The following ZFPM2 variants were observed in gnomAD, a reference collection of about 807,000 sequenced individuals.
ZFPM2 encodes zinc finger protein, FOG family member 2.
Under a neutral mutation model 98.6 loss-of-function variants are expected in ZFPM2, and 20 were observed. The ratio of observed to expected loss-of-function variants is 0.20; its 90% confidence interval spans 0.14 to 0.29. The LOEUF is 0.29. ZFPM2 is among the 10% of genes least tolerant of loss of function. The pLI, the probability that ZFPM2 is intolerant of heterozygous loss-of-function variation, is 1.00. For synonymous variants in ZFPM2, 518 were observed against 502.7 expected (o/e 1.03, Z -0.41); for missense variants, 1,310 against 1,388.6 (o/e 0.94, Z 0.90).
In ZFPM2 at chr8:105,555,582, C is replaced by A; in HGVS notation, c.302-5781C>A. Among the ~76,000 whole-genome samples the A allele has an allele frequency of 1.3e-5, 2 of 151,802 alleles. 1 individual carries two copies. Among genetic ancestry groups the A allele is most frequent in the Non-Finnish European group, 2.9e-5 (2 of 68,000 alleles). On this transcript the variant is annotated intron_variant, in intron 3 of 7. Coordinates refer to ENST00000407775, the MANE Select transcript of ZFPM2 (RefSeq NM_012082.4). Reference sequence around the variant, plus strand: ...CATGTGTCACAAACTCTATTAATTACCAGGGAATAAACAGAATTATTAAAG... The same window carrying A: ...CATGTGTCACAAACTCTATTAATTAACAGGGAATAAACAGAATTATTAAAG...
At chr8:105,671,909 A>C (rs1382867544) in intron 5 of ZFPM2, among the ~76,000 whole-genome samples, 1 of 151,952 alleles carries the variant, frequency 6.6e-6, no homozygotes, top group African/African-American at 2.4e-5. Context: ...AAAGCAATCA[A>C]CTCTTAATTA....
intron 4 of ZFPM2, among the ~76,000 whole-genome samples, chr8:105,587,104 G>A (rs979998870): frequency 1.5e-4 from 22 of 151,066 alleles, no homozygotes; most frequent in Non-Finnish European, 2.8e-4. Context: ...GTGAAACCCC[G>A]TCTCTACTAA....
intron 5 of ZFPM2, among the ~76,000 whole-genome samples, chr8:105,732,840 G>C (rs529384800): frequency 1.3e-5 from 2 of 151,830 alleles, no homozygotes; most frequent in East Asian, 3.9e-4. Context: ...TCCTAGGAGA[G>C]GGAAATTAAC....
intron 5 of ZFPM2, among the ~76,000 whole-genome samples, chr8:105,710,551 A>G (rs1563531500): frequency 6.6e-6 from 1 of 152,180 alleles, no homozygotes; most frequent in Non-Finnish European, 1.5e-5. Flanking sequence ...GAGATATGCA[A>G]TGAGAAAGAA....
At chr8:105,739,710 A>AGTTTTTT (rs905526528) in intron 5 of ZFPM2, among the ~76,000 whole-genome samples, 1 of 151,540 alleles carries the variant, frequency 6.6e-6, no homozygotes, top group African/African-American at 2.4e-5. Flanking sequence ...TCGCAGCTAT[A>AGTTTTTT]GTTTTTTGTT....
At chr8:105,550,464 G>T (rs1370777178) in intron 3 of ZFPM2, among the ~76,000 whole-genome samples, 1 of 152,092 alleles carries the variant, frequency 6.6e-6, no homozygotes, top group East Asian at 1.9e-4. Context: ...ACTTAAATCA[G>T]TCATTTTAGC....
chr8:105,802,603 G>C lies in ZFPM2; in HGVS notation c.2521G>C (p.Glu841Gln). The C allele has an allele frequency of 6.2e-7, 1 of 1,610,508 alleles. No individual in the cohort carries two copies. The highest frequency in any genetic ancestry group is 8.5e-7 in the Non-Finnish European group (1 of 1,178,300). The change falls in exon 8 of 8, where the codon GAG (glutamate) becomes CAG (glutamine). Residue 841 changes from glutamate (E) to glutamine (Q), a missense_variant. Physicochemically the swap from Glu to Gln is conservative, Grantham distance 29. Coordinates refer to ENST00000407775, the MANE Select transcript of ZFPM2 (RefSeq NM_012082.4). ...DLSKKCLSQS[E>Q]RTTTSPKRLL... ...CAGCAAAAAGTGTTTATCTCAGTCT[G>C]AGCGGACGACCACGTCTCCCAAAAG...
intron 3 of ZFPM2, among the ~76,000 whole-genome samples, chr8:105,534,012 C>CT (rs1563704258): frequency 3.2e-5 from 1 of 31,234 alleles, no homozygotes; most frequent in Non-Finnish European, 5.5e-5. Flanking sequence ...TCCTTCCTTC[C>CT]TCCCTTCTTC....
chr8:105,391,588 A>C (rs1169478751), intron 1 of ZFPM2, among the ~76,000 whole-genome samples: 1 of 152,238 alleles, frequency 6.6e-6, no homozygotes, highest in South Asian at 2.1e-4. Flanking sequence ...AATAATGTCT[A>C]TAAAATATTC....
chr8:105,774,676 T>TA (rs1183476880), intron 5 of ZFPM2, among the ~76,000 whole-genome samples: 2 of 152,160 alleles, frequency 1.3e-5, no homozygotes, highest in Non-Finnish European at 2.9e-5. Flanking sequence ...TAAAACTTAG[T>TA]AAACCTTTAT....
At chr8:105,738,531 A>T (rs1454894986) in intron 5 of ZFPM2, among the ~76,000 whole-genome samples, 8 of 152,094 alleles carry the variant, frequency 5.3e-5, no homozygotes, top group Non-Finnish European at 7.4e-5. Context: ...TTTTGGGTAT[A>T]TACCCAGTAA....
intron 5 of ZFPM2, among the ~76,000 whole-genome samples, chr8:105,730,776 C>CTTTTTTTT (rs201573898): frequency 1.7e-4 from 21 of 124,360 alleles, no homozygotes; most frequent in Admixed American, 5.5e-4. Flanking sequence ...TTTCTTTTTT[C>CTTTTTTTT]TTTTTTTTTT....
intron 4 of ZFPM2, among the ~76,000 whole-genome samples, chr8:105,591,068 C>T (rs1269575551): frequency 2.6e-5 from 4 of 152,086 alleles, no homozygotes; most frequent in Non-Finnish European, 2.9e-5. Context: ...TCAGACTTAA[C>T]TCCACACTAA....
chr8:105,563,373 G>T (rs1242534928), intron 4 of ZFPM2, among the ~76,000 whole-genome samples: 2 of 152,038 alleles, frequency 1.3e-5, no homozygotes, highest in Non-Finnish European at 2.9e-5. Context: ...AGATCCCAGG[G>T]GTATATTTAT....
At chr8:105,473,155 C>T (rs923380139) in intron 3 of ZFPM2, among the ~76,000 whole-genome samples, 3 of 152,100 alleles carry the variant, frequency 2.0e-5, no homozygotes, top group Non-Finnish European at 4.4e-5. Context: ...TCCTGCCTTG[C>T]TTCCCAGTGT....
At chr8:105,715,864 A>G (rs1811512337) in intron 5 of ZFPM2, among the ~76,000 whole-genome samples, 1 of 152,042 alleles carries the variant, frequency 6.6e-6, no homozygotes, top group South Asian at 2.1e-4. Flanking sequence ...TTCTGGGACT[A>G]GGGCCAATGA....
chr8:105,794,663 GT>G (rs1813734720), intron 6 of ZFPM2, among the ~76,000 whole-genome samples: 1 of 152,226 alleles, frequency 6.6e-6, no homozygotes, highest in South Asian at 2.1e-4. Context: ...CTTTTTGTTT[GT>G]CTGTGCCCTG....
At chr8:105,330,599 T>TATATATATAC (rs1431230000) in intron 1 of ZFPM2, among the ~76,000 whole-genome samples, 417 of 39,872 alleles carry the variant, frequency 0.01, 22 homozygotes, top group East Asian at 0.043. Context: ...TATATACATA[T>TATATATATAC]ATATATATAT....
chr8:105,798,547 A>ATTTC (rs1238394783), intron 6 of ZFPM2, 177 bp from the exon 7 acceptor site: 2 of 570,826 alleles, frequency 3.5e-6, no homozygotes, highest in Non-Finnish European at 6.2e-6. Context: ...AGAGTACAAC[A>ATTTC]TTTCTTTAAA....
Sources: allele counts gnomAD v4.1 joint callset (sites outside exome capture counted in the v4.1 genomes callset), GRCh38; gene constraint gnomAD v4.1.1; transcripts MANE v1.5; gene names NCBI Gene and HGNC (gene_info 2026-07-23, HGNC 2026-07-21).